The following CEBPG variants were observed in gnomAD, a reference collection of about 807,000 sequenced individuals.
CEBPG encodes CCAAT/enhancer-binding protein gamma.
Under a neutral mutation model 11.1 loss-of-function variants are expected in CEBPG, and 6 were observed. That is an observed-to-expected ratio of 0.54 (90% CI 0.30 to 1.07). The LOEUF is 1.07. CEBPG is among the 50% of genes least tolerant of loss of function. The pLI is 0.07. For missense variants in CEBPG, 161 were observed against 187.4 expected (o/e 0.86, Z 0.82); for synonymous variants, 66 against 71.0 (o/e 0.93, Z 0.36).
chr19:33,379,219 T>C lies in CEBPG; in HGVS notation c.-21T>C, dbSNP rs1289086367. The stretch of plus-strand genomic sequence containing the variant: ...TGCTCTCATTTCTACCTGTTCTGTG[T>C]TGGCAAGGGAGAGTGCCCAAATGAG... On this transcript the variant is annotated 5_prime_UTR_variant, in exon 2 of 2. Transcript: ENST00000284000. The C allele has an allele frequency of 6.6e-7, 1 of 1,516,492 alleles. No individual in the cohort carries two copies. Among genetic ancestry groups the C allele is most frequent in the South Asian group, 1.3e-5 (1 of 74,340 alleles). 93.9% of individuals were successfully genotyped at this position (1,516,492 alleles called of 1,614,324 possible). A position where few individuals can be genotyped will look rare whatever the true frequency, so the allele number is the denominator to read the frequency against.
At chr19:33,373,982 G>C (rs1242538087) in intron 1 of CEBPG, 87 bp downstream of exon 1, 1 of 150,942 alleles carries the variant, frequency 6.6e-6, no homozygotes, top group Admixed American at 6.6e-5. Context: ...GGCCCGGCTC[G>C]GGGAAACCCA....
Position 33,379,330 on chromosome 19 carries a change from G to A in CEBPG, c.91G>A (p.Val31Ile), listed in dbSNP as rs749953849. ...GGCACATGCCAGCGGCTTACAGCAG[G>A]TTCCTCAGCTGGTGCCTGCTGGCCC... ...TQAHASGLQQ[V>I]PQLVPAGPGG... Residue 31 changes from valine to isoleucine, a missense_variant, in exon 2 of 2, where the codon GTT (valine) becomes ATT (isoleucine). By Grantham distance (29) the Val-to-Ile change is conservative. Transcript: ENST00000284000. The A allele has an allele frequency of 6.2e-7, 1 of 1,613,740 alleles. No homozygotes were observed. The highest frequency in any genetic ancestry group is 1.7e-5 in the Admixed American group (1 of 59,970).
intron 1 of CEBPG, among the ~76,000 whole-genome samples, chr19:33,375,994 G>A (rs62125162): frequency 0.16 from 23,611 of 152,122 alleles, 2,173 homozygotes; most frequent in Admixed American, 0.25. Context: ...CAGTGTCCCT[G>A]AGAGATGATA....
chr19:33,379,930 G>T lies in CEBPG; in HGVS notation c.*238G>T. On this transcript the variant is annotated 3_prime_UTR_variant, in exon 2 of 2. Coordinates refer to ENST00000284000, the MANE Select transcript of CEBPG (RefSeq NM_001806.4). The stretch of plus-strand genomic sequence containing the variant: ...GGAATCAAAATCCCCCAAATGTTAA[G>T]GTATATGGTAAAAAAAGAAATATCT... 2.5e-6 allele frequency: 1 copy of T among 394,218 alleles called. No homozygotes were observed. 24.4% of individuals were successfully genotyped at this position (394,218 alleles called of 1,614,324 possible). A position where few individuals can be genotyped will look rare whatever the true frequency, so the allele number is the denominator to read the frequency against.
chr19:33,380,360 T>C lies in CEBPG; in HGVS notation c.*668T>C, dbSNP rs1369676256. Reference sequence around the variant, plus strand: ...ATACAAATAACATTTAGGAAGCAAATAGATTAAACACAAAAATAAAACTAA... The same window carrying C: ...ATACAAATAACATTTAGGAAGCAAACAGATTAAACACAAAAATAAAACTAA... On this transcript the variant is annotated 3_prime_UTR_variant, in exon 2 of 2. Transcript: ENST00000284000. 1.2e-5 allele frequency: 2 copies of C among 166,690 alleles called. No homozygotes were observed. The highest frequency in any genetic ancestry group is 4.8e-5 in the African/African-American group (2 of 41,442). The allele number at this position is 166,690 out of a possible 1,614,324, so 10.3% of individuals were successfully genotyped here.
At position 33,379,077 on chromosome 19, in the gene CEBPG, C is replaced by T. The variant is rs1049252503; in HGVS notation, c.-96-67C>T. On this transcript the variant is annotated intron_variant, in intron 1 of 1. Transcript: ENST00000284000. ...ATTAATGTTGGCCTGATGTTAGGTA[C>T]GTACAAGTTTGATCTCATTTGATCC... The T allele has an allele frequency of 1.6e-5, 9 of 579,478 alleles. 1 individual carries two copies. Among genetic ancestry groups the T allele is most frequent in the East Asian group, 8.8e-5 (3 of 33,966 alleles). The allele number at this position is 579,478 out of a possible 1,614,324, so 35.9% of individuals were successfully genotyped here.
chr19:33,375,966 G>A (rs1243384812), intron 1 of CEBPG, among the ~76,000 whole-genome samples: 1 of 152,180 alleles, frequency 6.6e-6, no homozygotes, highest in East Asian at 1.9e-4. Context: ...GTTGGAGGAA[G>A]CAGGCTAGAC....
chr19:33,378,679 C>T (rs1375956369), intron 1 of CEBPG, among the ~76,000 whole-genome samples: 1 of 152,152 alleles, frequency 6.6e-6, no homozygotes, highest in African/African-American at 2.4e-5. Flanking sequence ...ACATGGAACC[C>T]GCAGGGGTGA....
chr19:33,379,635 C>T lies in CEBPG; in HGVS notation c.396C>T (p.Asn132=), dbSNP rs144413666. The change falls in exon 2 of 2, where the codon AAC becomes AAT. Residue 132 remains asparagine (N), a synonymous_variant. Transcript: ENST00000284000. The stretch of plus-strand genomic sequence containing the variant: ...AGCATGCACACAACCTTGCAGACAA[C>T]GTACAGTCCATTAGCACTGAAAATA... ...FLEHAHNLAD[N]VQSISTENTT... 51 of 1,614,004 alleles carry T rather than the reference C, an allele frequency of 3.2e-5. No individual in the cohort carries two copies. In the Middle Eastern group the frequency reaches 6.6e-4, roughly 21 times the overall value.
At chr19:33,374,502 T>C (rs1237171963) in intron 1 of CEBPG, 1 of 152,244 alleles carries the variant, frequency 6.6e-6, no homozygotes, top group African/African-American at 2.4e-5. Context: ...TGCACTTTAC[T>C]GTTGAACGTA....
intron 1 of CEBPG, among the ~76,000 whole-genome samples, chr19:33,377,621 C>T (rs1214968923): frequency 6.6e-6 from 1 of 152,174 alleles, no homozygotes; most frequent in Non-Finnish European, 1.5e-5. Context: ...AGCCACTTTT[C>T]TACTGGAAGA....
At chr19:33,378,412 T>C (rs190725856) in intron 1 of CEBPG, among the ~76,000 whole-genome samples, 2 of 152,334 alleles carry the variant, frequency 1.3e-5, no homozygotes, top group East Asian at 3.9e-4. Context: ...TGGTTTCAGG[T>C]TGAGTGTGTT....
At position 33,381,992 on chromosome 19, in the gene CEBPG, G is replaced by C. The variant is rs1265587331; in HGVS notation, c.*2300G>C. On this transcript the variant is annotated 3_prime_UTR_variant, in exon 2 of 2. Transcript: ENST00000284000. ...ATCAGTATAAAATTAGGGAAACCAC[G>C]TGTGGGGAATGAATCAATTTAGAGC... 1 of 167,094 alleles carries C rather than the reference G, an allele frequency of 6.0e-6. No homozygotes were observed. Among genetic ancestry groups the C allele is most frequent in the Non-Finnish European group, 1.5e-5 (1 of 68,118 alleles). The allele number at this position is 167,094 out of a possible 1,614,324, so 10.4% of individuals were successfully genotyped here.
chr19:33,379,252 T>A lies in CEBPG; in HGVS notation c.13T>A (p.Ser5Thr), dbSNP rs773661325. MSKISQQNSTPGVNG... is the reference protein window; with the variant it reads MSKITQQNSTPGVNG... Reference sequence around the variant, plus strand: ...GGAGAGTGCCCAAATGAGCAAGATATCGCAGCAAAACAGCACTCCAGGGGT... The same window carrying A: ...GGAGAGTGCCCAAATGAGCAAGATAACGCAGCAAAACAGCACTCCAGGGGT... Residue 5 changes from serine to threonine, a missense_variant, in exon 2 of 2, where the codon TCG becomes ACG. Physicochemically the swap from Ser to Thr is moderately conservative, Grantham distance 58 (BLOSUM62 1). Transcript: ENST00000284000. 1 of 1,541,806 alleles carries A rather than the reference T, an allele frequency of 6.5e-7. No homozygotes were observed. Among genetic ancestry groups the A allele is most frequent in the Non-Finnish European group, 8.7e-7 (1 of 1,144,522 alleles).
chr19:33,376,404 T>C lies in CEBPG; in HGVS notation c.-97+2509T>C, dbSNP rs769692660. On this transcript the variant is annotated intron_variant, in intron 1 of 1. Coordinates refer to ENST00000284000, the MANE Select transcript of CEBPG (RefSeq NM_001806.4). ...AATTAAAACAAAGCCTATTACCCACTTAGTCCACCATTCTCAATATTCATT... is the reference window on the plus strand; with the variant it reads ...AATTAAAACAAAGCCTATTACCCACCTAGTCCACCATTCTCAATATTCATT... Among the ~76,000 whole-genome samples the C allele has an allele frequency of 5.3e-5, 8 of 152,218 alleles. 1 individual carries two copies. The highest frequency in any genetic ancestry group is 1.0e-4 in the Non-Finnish European group (7 of 68,036).
At chr19:33,373,927 G>C (rs1967876888) in intron 1 of CEBPG, 32 bp downstream of exon 1, 2 of 151,576 alleles carry the variant, frequency 1.3e-5, no homozygotes, top group Non-Finnish European at 1.5e-5. Context: ...CCCTGAGAAC[G>C]GGGAGGAGGA....
intron 1 of CEBPG, among the ~76,000 whole-genome samples, chr19:33,375,920 C>A (rs1056366608): frequency 6.6e-6 from 1 of 152,194 alleles, no homozygotes; most frequent in Non-Finnish European, 1.5e-5. Context: ...GAATGACTCA[C>A]TCAGGTTTGA....
intron 1 of CEBPG, among the ~76,000 whole-genome samples, chr19:33,375,062 A>G (rs1967896167): frequency 6.6e-6 from 1 of 152,228 alleles, no homozygotes; most frequent in African/African-American, 2.4e-5. Context: ...ACAAGGCTAA[A>G]TAATTACAGG....
intron 1 of CEBPG, among the ~76,000 whole-genome samples, chr19:33,378,094 T>TTAG (rs1967933502): frequency 6.6e-6 from 1 of 152,238 alleles, no homozygotes; most frequent in African/African-American, 2.4e-5. Context: ...TTCACTGAAC[T>TTAG]TAGTTTGTCT....
Sources: gnomAD v4.1 joint callset for allele counts (sites outside exome capture counted in the v4.1 genomes callset) on GRCh38, gnomAD v4.1.1 for gene constraint, MANE v1.5 for transcripts, NCBI Gene and HGNC (gene_info 2026-07-23, HGNC 2026-07-21) for gene names.